Variants in EMSY observed in about 807,000 individuals in gnomAD.
EMSY encodes the protein EMSY transcriptional repressor, BRCA2 interacting.
A neutral mutation model predicts 134.6 loss-of-function variants in EMSY; 26 were observed. The ratio of observed to expected loss-of-function variants is 0.19; its 90% confidence interval spans 0.14 to 0.27. The LOEUF (loss-of-function observed/expected upper bound fraction) is 0.27. Among genes scored for constraint, EMSY ranks in the 10% least tolerant of loss-of-function variants. The pLI is 1.00. For missense variants in EMSY, 1,305 were observed against 1,611.4 expected (o/e 0.81, Z 3.26); for synonymous variants, 579 against 577.8 (o/e 1.00, Z -0.03).
In EMSY at chr11:76,527,447, A is replaced by G. The variant is rs528340584; in HGVS notation, c.1995+812A>G. ...CCTTCTTAACTCTTGGAAATGGGTA[A>G]CTTAACAGAGTCTGAGAAATTTTAG... On this transcript the variant is annotated intron_variant, in intron 13 of 20. Transcript: ENST00000334736. Among the ~76,000 whole-genome samples the G allele has an allele frequency of 2.0e-5, 3 of 152,296 alleles. No individual in the cohort carries two copies. In the East Asian group the frequency reaches 5.8e-4, roughly 29 times the overall value.
intron 12 of EMSY, among the ~76,000 whole-genome samples, chr11:76,526,002 G>C (rs1165701564): frequency 6.6e-6 from 1 of 151,958 alleles, no homozygotes; most frequent in African/African-American, 2.4e-5. Flanking sequence ...TGTGCATTTA[G>C]CTACTGGTAT....
chr11:76,536,411 A>G (rs997387811), intron 15 of EMSY, among the ~76,000 whole-genome samples: 7 of 152,334 alleles, frequency 4.6e-5, no homozygotes, highest in African/African-American at 1.7e-4. Flanking sequence ...TAGATACAGT[A>G]CAGTTGCCAG....
chr11:76,460,308 G>C, intron 6 of EMSY: 2 of 451,102 alleles, frequency 4.4e-6, no homozygotes, highest in Non-Finnish European at 7.9e-6. Flanking sequence ...ATTGTCTGTG[G>C]GTAATCTGCC....
At chr11:76,537,810 A>T (rs1473494177) in exon 16 of EMSY, 2 of 1,598,540 alleles carry the variant, frequency 1.3e-6, no homozygotes, top group South Asian at 2.3e-5. Flanking sequence ...GAAAAATTGG[A>T]ATCTAAACCA....
At chr11:76,453,963 G>T (rs1165384284) in intron 4 of EMSY, 1 of 152,146 alleles carries the variant, frequency 6.6e-6, no homozygotes, top group Admixed American at 6.5e-5. Flanking sequence ...TATTTAAGAG[G>T]AGGGGTGGAG....
rs1360848750 is a variant in EMSY at position 76,472,941 on chromosome 11, A to G, written c.1108+101A>G. ...CTCTGCTTTGGATATGAAGGTCCCT[A>G]CTATTAGACCCAAGATCACCACCCC... is the stretch of plus-strand genomic sequence containing the variant. On this transcript the variant is annotated intron_variant, in intron 8 of 20. Transcript: ENST00000334736. 4.7e-6 allele frequency: 6 copies of G among 1,280,028 alleles called. No homozygotes were observed. The South Asian group carries it at 5.6e-5, about 12-fold the overall frequency. 79.3% of individuals were successfully genotyped at this position (1,280,028 alleles called of 1,614,324 possible). A position where few individuals can be genotyped will look rare whatever the true frequency, so the allele number is the denominator to read the frequency against.
exon 21 of EMSY, chr11:76,550,206 C>A: frequency 7.3e-7 from 1 of 1,368,730 alleles, no homozygotes; most frequent in Non-Finnish European, 9.6e-7. Flanking sequence ...CAGGGAAACC[C>A]TTGTATTTTG....
rs1950859448 is a variant in EMSY, at chr11:76,526,724, G to A, written c.1995+89G>A. 2.4e-6 allele frequency: 3 copies of A among 1,247,076 alleles called. No individual in the cohort carries two copies. The South Asian group carries it at 4.6e-5, about 19-fold the overall frequency. 77.3% of individuals were successfully genotyped at this position (1,247,076 alleles called of 1,614,324 possible). On this transcript the variant is annotated intron_variant, in intron 13 of 20. Coordinates refer to ENST00000334736, the Ensembl canonical transcript of EMSY. ...GGTAGAAATTTGAAGGAAAAGATCA[G>A]CAATCTTTAAGAAATCAGATTGTTA...
intron 12 of EMSY, among the ~76,000 whole-genome samples, chr11:76,525,187 A>C (rs1950801970): frequency 6.6e-6 from 1 of 152,222 alleles, no homozygotes; most frequent in Admixed American, 6.5e-5. Flanking sequence ...GCTATTTAAT[A>C]GATAGGTGTG....
chr11:76,535,826 G>GT (rs1306237172), intron 14 of EMSY, 69 bp from the exon 16 acceptor site: 14 of 1,099,486 alleles, frequency 1.3e-5, no homozygotes, highest in African/African-American at 9.9e-5. Flanking sequence ...CAAAAAAATT[G>GT]TTTGTTTTTT....
intron 8 of EMSY, among the ~76,000 whole-genome samples, chr11:76,490,855 G>C (rs4600241): frequency 7.4e-5 from 11 of 148,598 alleles, no homozygotes; most frequent in African/African-American, 2.5e-4. Context: ...ATTGCTAGGG[G>C]GTGTGTGTGT....
At chr11:76,518,220 G>A (rs1194372705) in intron 11 of EMSY, among the ~76,000 whole-genome samples, 2 of 146,162 alleles carry the variant, frequency 1.4e-5, no homozygotes, top group African/African-American at 5.1e-5. Flanking sequence ...CCCAGGCCAG[G>A]GTGCAGTGGC....
intron 4 of EMSY, 74 bp from the exon 5 acceptor site, chr11:76,454,674 GT>G: frequency 3.1e-6 from 3 of 977,054 alleles, no homozygotes; most frequent in Non-Finnish European, 4.4e-6. Context: ...GCAACTAGTT[GT>G]AAGTTGATGC....
downstream of EMSY, chr11:76,552,682 A>G (rs1349118638): frequency 6.6e-6 from 1 of 152,206 alleles, no homozygotes; most frequent in Non-Finnish European, 1.5e-5. Context: ...AAACTCTCCC[A>G]TTTAAAGTAT....
At chr11:76,501,471 A>G (rs992171895) in intron 9 of EMSY, among the ~76,000 whole-genome samples, 2 of 152,238 alleles carry the variant, frequency 1.3e-5, no homozygotes, top group Non-Finnish European at 2.9e-5. Context: ...TCAAATAAAG[A>G]TCAATAAAGA....
At position 76,488,024 on chromosome 11, in the gene EMSY, C is replaced by G. The variant is rs144364132; in HGVS notation, c.1109-8191C>G. Among the ~76,000 whole-genome samples the G allele has an allele frequency of 4.4e-4, 67 of 152,308 alleles. No homozygotes were observed. The East Asian group carries it at 9.1e-3, about 21-fold the overall frequency. On this transcript the variant is annotated intron_variant, in intron 8 of 20. Transcript: ENST00000334736. ...AAAATGTTCTTTGAACTTCATATTT[C>G]TCTAAGGCTCGTGTTAAAAACTCTG...
chr11:76,528,122 C>G, intron 13 of EMSY, 146 bp from the exon 15 acceptor site: 2 of 687,008 alleles, frequency 2.9e-6, no homozygotes, highest in East Asian at 2.7e-5. Context: ...ATTGAATTAC[C>G]CTTTGATGAG....
chr11:76,463,723 C>A, intron 6 of EMSY, 98 bp from the exon 8 acceptor site: 2 of 1,350,158 alleles, frequency 1.5e-6, no homozygotes, highest in Non-Finnish European at 2.0e-6. Flanking sequence ...TGGCTTAAGA[C>A]AGAGAGAGGA....
At chr11:76,481,612 G>A (rs987229908) in intron 8 of EMSY, among the ~76,000 whole-genome samples, 1 of 152,224 alleles carries the variant, frequency 6.6e-6, no homozygotes, top group Non-Finnish European at 1.5e-5. Flanking sequence ...TCCCCTCAGA[G>A]TATAAAGAAA....
Sources: allele counts gnomAD v4.1 joint callset (sites outside exome capture counted in the v4.1 genomes callset), GRCh38; gene constraint gnomAD v4.1.1; transcripts MANE v1.5; gene names NCBI Gene and HGNC (gene_info 2026-07-23, HGNC 2026-07-21).